Variants in PRAMEF11 observed in about 807,000 individuals in gnomAD.
PRAMEF11 encodes PRAME family member 11.
PRAMEF11 carries 17 observed loss-of-function variants against 33.6 expected under a neutral mutation model. That is an observed-to-expected ratio of 0.51 (90% confidence interval 0.35 to 0.76). The LOEUF is 0.76. Ranked by LOEUF, PRAMEF11 falls within the 30% of genes least tolerant of loss-of-function variation. PRAMEF11 has a pLI of 0.01. For missense variants in PRAMEF11, 568 were observed against 567.0 expected (o/e 1.00, Z -0.02); for synonymous variants, 205 against 227.3 (o/e 0.90, Z 0.88).
At position 12,829,405 on chromosome 1, in the gene PRAMEF11, CCTCTCTCA is replaced by C. The variant is rs1311219572; in HGVS notation, c.-16-608_-16-601del. On this transcript the variant is annotated intron_variant, in intron 1 of 3. Coordinates refer to ENST00000619922, the MANE Select transcript of PRAMEF11 (RefSeq NM_001146344.3). Reference sequence around the variant, plus strand: ...CATTCTCTCTCTCTTTCTCTCTCTCCCTCTCTCACTCTCTTTCTGACAGGGTCTTGCTG... The same window carrying C: ...CATTCTCTCTCTCTTTCTCTCTCTCCCTCTCTTTCTGACAGGGTCTTGCTG... Among the ~76,000 whole-genome samples the C allele has an allele frequency of 1.3e-5, 2 of 149,000 alleles. 1 individual carries two copies. The highest frequency in any genetic ancestry group is 4.9e-5 in the African/African-American group (2 of 40,514).
intron 1 of PRAMEF11, among the ~76,000 whole-genome samples, chr1:12,829,553 A>G (rs1639963347): frequency 6.6e-6 from 1 of 151,192 alleles, no homozygotes; most frequent in African/African-American, 2.4e-5. Context: ...GTTATGCATC[A>G]CCACACCCAG....
rs772395889 is a variant in PRAMEF11, at chr1:12,828,640, G to A, written c.150C>T (p.Arg50=). The A allele has an allele frequency of 4.4e-4, 710 of 1,610,206 alleles. 15 individuals carry two copies. The highest frequency in any genetic ancestry group is 5.3e-4 in the Non-Finnish European group (623 of 1,178,084). The part of the protein sequence containing the change: ...PLFMEAFSRR[R]CEALKLMVQA... ...GCACCATCAGCTTCAGGGCCTCACA[G>A]CGTCTCCTGCTGAAGGCCTCCATGA... The change falls in exon 2 of 4, where the codon CGC becomes CGT. Residue 50 remains arginine, a synonymous_variant. Coordinates refer to ENST00000619922, the MANE Select transcript of PRAMEF11 (RefSeq NM_001146344.3).
intron 1 of PRAMEF11, 72 bp downstream of exon 1, chr1:12,831,284 T>C (rs1458875169): frequency 6.6e-6 from 1 of 151,216 alleles, no homozygotes; most frequent in Non-Finnish European, 1.5e-5. Context: ...CATCGTAGGC[T>C]GCACTGTCAC....
In PRAMEF11 at chr1:12,828,718, G is replaced by T. The variant is rs761419112; in HGVS notation, c.72C>A (p.Ala24=). The T allele has an allele frequency of 1.9e-6, 3 of 1,610,122 alleles. No homozygotes were observed. The highest frequency in any genetic ancestry group is 2.5e-6 in the Non-Finnish European group (3 of 1,178,014). ...GCTCCTCCAGGGTGGAGACGGCCAA[G>T]GCTTGGTCCCTCAGCAGGCTCCGCC... ...LAGRSLLRDQ[A]LAVSTLEELP... The change falls in exon 2 of 4, where the codon GCC becomes GCA. Residue 24 remains alanine (A), a synonymous_variant. Transcript: ENST00000619922.
chr1:12,830,483 G>A (rs146638913), intron 1 of PRAMEF11, among the ~76,000 whole-genome samples: 4 of 151,022 alleles, frequency 2.6e-5, no homozygotes, highest in Non-Finnish European at 3.0e-5. Flanking sequence ...GATGTGATTG[G>A]TTTAAAATTA....
intron 1 of PRAMEF11, among the ~76,000 whole-genome samples, chr1:12,829,311 CTTCT>C (rs70977501): frequency 0.27 from 39,841 of 147,818 alleles, 6,387 homozygotes; most frequent in African/African-American, 0.39. Context: ...CTCTCCCTCC[CTTCT>C]TTCTTTCTTT....
chr1:12,827,427 A>T lies in PRAMEF11; in HGVS notation c.697T>A (p.Leu233Met), dbSNP rs2486713. 3,176 of 1,588,322 alleles carry T rather than the reference A, an allele frequency of 2.0e-3. 268 individuals are homozygous for T. In the African/African-American group the frequency reaches 0.031, roughly 16 times the overall value. The change falls in exon 3 of 4, where the codon TTG becomes ATG. Residue 233 changes from leucine (L) to methionine (M), a missense_variant. Physicochemically the swap from Leu to Met is conservative, Grantham distance 15. Around this residue, in one of 3 missense-constraint regions of PRAMEF11, gnomAD observed 342 missense variants for 312.0 expected, o/e 1.10. Transcript: ENST00000619922. ...AGAACGAGCTTCTGAAGATTCCTCA[A>T]GTGGCCCAGGTATGGGGTAAACTGT... ...LTQFTPYLGH[L>M]RNLQKLVLSH...
intron 3 of PRAMEF11, among the ~76,000 whole-genome samples, chr1:12,826,638 T>C (rs892627739): frequency 6.6e-6 from 1 of 151,188 alleles, no homozygotes; most frequent in Admixed American, 6.6e-5. Flanking sequence ...GGCCCACGCC[T>C]GTAATCCCAG....
At position 12,824,995 on chromosome 1, in the gene PRAMEF11, C is replaced by T; in HGVS notation, c.1384G>A (p.Asp462Asn). 6.2e-7 allele frequency: 1 copy of T among 1,609,810 alleles called. No individual in the cohort carries two copies. The highest frequency in any genetic ancestry group is 8.5e-7 in the Non-Finnish European group (1 of 1,177,772). ...TCATAAAATGACCTGTCGCCATGGT[C>T]AGGGCAGTTGTCAGTACAGAACAAG... ...RILFCTDNCP[D>N]HGDRSFYDLE... Residue 462 changes from aspartate to asparagine, a missense_variant, in exon 4 of 4, where the codon GAC becomes AAC. This residue lies in a region of PRAMEF11 where 174 missense variants were observed against 127.2 expected (regional missense o/e 1.37). Coordinates refer to ENST00000619922, the MANE Select transcript of PRAMEF11 (RefSeq NM_001146344.3).
intron 3 of PRAMEF11, among the ~76,000 whole-genome samples, chr1:12,825,897 C>G (rs1471961991): frequency 4.7e-5 from 7 of 150,040 alleles, no homozygotes; most frequent in Admixed American, 1.3e-4. Flanking sequence ...TCGCTTGAAC[C>G]CAGGAGGTGT....
Position 12,825,093 on chromosome 1 carries a change from C to T in PRAMEF11, c.1286G>A (p.Cys429Tyr), listed in dbSNP as rs1467174204. The T allele has an allele frequency of 3.1e-6, 5 of 1,609,706 alleles. No homozygotes were observed. Among genetic ancestry groups the T allele is most frequent in the Non-Finnish European group, 4.2e-6 (5 of 1,177,754 alleles). The change falls in exon 4 of 4, where the codon TGC becomes TAC. Residue 429 changes from cysteine (C) to tyrosine (Y), a missense_variant. By Grantham distance (194) the Cys-to-Tyr change is radical (BLOSUM62 -2). This residue lies in a region of PRAMEF11 where 174 missense variants were observed against 127.2 expected (regional missense o/e 1.37). Transcript: ENST00000619922. ...CCTAATTTGAGCAAATCTGCTCCAGCAGAGAGTACCATCAGCACCATAACT... is the reference window on the plus strand; with the variant it reads ...CCTAATTTGAGCAAATCTGCTCCAGTAGAGAGTACCATCAGCACCATAACT... Reference protein sequence around the residue: ...QESYGADGTLCWSRFAQIRAE... With the variant: ...QESYGADGTLYWSRFAQIRAE...
rs529654285 is a variant in PRAMEF11 at position 12,826,770 on chromosome 1, A to C, written c.875+479T>G. ...AAAGTGAAAATCCATCTCAGAAAAA[A>C]AAGTTATCTTGTTTGATTTTACTTT... is the stretch of plus-strand genomic sequence containing the variant. On this transcript the variant is annotated intron_variant, in intron 3 of 3. Coordinates refer to ENST00000619922, the MANE Select transcript of PRAMEF11 (RefSeq NM_001146344.3). Among the ~76,000 whole-genome samples, 13 of 150,782 alleles carry C rather than the reference A, an allele frequency of 8.6e-5. No homozygotes were observed. The South Asian group carries it at 2.4e-3, about 27-fold the overall frequency.
intron 1 of PRAMEF11, among the ~76,000 whole-genome samples, chr1:12,829,760 C>G (rs1639967732): frequency 6.6e-6 from 1 of 150,836 alleles, no homozygotes. Context: ...GTAGTCCAAG[C>G]TAATAGGGAG....
In PRAMEF11 at chr1:12,824,828, C is replaced by G. The variant is rs1192961216; in HGVS notation, c.*114G>C. The G allele has an allele frequency of 1.4e-6, 2 of 1,459,574 alleles. 1 individual carries two copies. Among genetic ancestry groups the G allele is most frequent in the South Asian group, 2.5e-5 (2 of 80,214 alleles). 90.4% of individuals were successfully genotyped at this position (1,459,574 alleles called of 1,614,324 possible). A position where few individuals can be genotyped will look rare whatever the true frequency, so the allele number is the denominator to read the frequency against. ...GCTTTCCTTTCCCACTTTCAGAGCC[C>G]ATGTGTGAAACGATGGGTTCTGTGC... On this transcript the variant is annotated 3_prime_UTR_variant, in exon 4 of 4. Coordinates refer to ENST00000619922, the MANE Select transcript of PRAMEF11 (RefSeq NM_001146344.3).
At chr1:12,826,993 C>A (rs946919451) in intron 3 of PRAMEF11, among the ~76,000 whole-genome samples, 3 of 151,168 alleles carry the variant, frequency 2.0e-5, no homozygotes, top group African/African-American at 7.3e-5. Context: ...CTCACTAGAT[C>A]TGAACCCCCC....
Position 12,826,842 on chromosome 1 carries a change from T to C in PRAMEF11, c.875+407A>G, listed in dbSNP as rs116291725. On this transcript the variant is annotated intron_variant, in intron 3 of 3. Transcript: ENST00000619922. ...GGTCTTGGGATGTTACCCAGACTGC[T>C]CTTAAACTCCTAGGCTCAAGCTATC... Among the ~76,000 whole-genome samples the C allele has an allele frequency of 8.5e-3, 1,290 of 151,376 alleles. 33 individuals are homozygous for C. Among genetic ancestry groups the C allele is most frequent in the African/African-American group, 0.029 (1,214 of 41,350 alleles).
chr1:12,824,876 C>T lies in PRAMEF11; in HGVS notation c.*66G>A, dbSNP rs1639821199. Reference sequence around the variant, plus strand: ...TGCTCCCTTTAGGATGTACCTAAGACCTAGGTTTTAGTTTCCAAGTGTCCA... The same window carrying T: ...TGCTCCCTTTAGGATGTACCTAAGATCTAGGTTTTAGTTTCCAAGTGTCCA... On this transcript the variant is annotated 3_prime_UTR_variant, in exon 4 of 4. Transcript: ENST00000619922. The T allele has an allele frequency of 4.4e-6, 7 of 1,588,674 alleles. No homozygotes were observed. The highest frequency in any genetic ancestry group is 6.0e-6 in the Non-Finnish European group (7 of 1,163,086).
chr1:12,831,387 A>T lies in PRAMEF11; in HGVS notation c.-48T>A, dbSNP rs1265869953. On this transcript the variant is annotated 5_prime_UTR_variant, in exon 1 of 4. Coordinates refer to ENST00000619922, the MANE Select transcript of PRAMEF11 (RefSeq NM_001146344.3). ...TGGATGTAGTCTAGAAGGTGCTCAG[A>T]CCTCAGGAAGAACCAAGCAGGAACT... 4.0e-5 allele frequency: 6 copies of T among 150,984 alleles called. No homozygotes were observed. The highest frequency in any genetic ancestry group is 4.3e-4 in the South Asian group (2 of 4,672). The allele number at this position is 150,984 out of a possible 1,614,324, so 9.4% of individuals were successfully genotyped here.
In PRAMEF11 at chr1:12,831,378, G is replaced by T. The variant is rs1048621140; in HGVS notation, c.-39C>A. Reference sequence around the variant, plus strand: ...TACCAGATCTGGATGTAGTCTAGAAGGTGCTCAGACCTCAGGAAGAACCAA... The same window carrying T: ...TACCAGATCTGGATGTAGTCTAGAATGTGCTCAGACCTCAGGAAGAACCAA... On this transcript the variant is annotated 5_prime_UTR_variant, in exon 1 of 4. Transcript: ENST00000619922. The T allele has an allele frequency of 8.6e-5, 13 of 151,118 alleles. 1 individual carries two copies. In the South Asian group the frequency reaches 1.5e-3, roughly 17 times the overall value. The allele number at this position is 151,118 out of a possible 1,614,324, so 9.4% of individuals were successfully genotyped here.
Sources: allele counts gnomAD v4.1 joint callset (sites outside exome capture counted in the v4.1 genomes callset), GRCh38; gene constraint gnomAD v4.1.1; regional missense constraint gnomAD v4.1.1; transcripts MANE v1.5; gene names NCBI Gene and HGNC (gene_info 2026-07-23, HGNC 2026-07-21).